Variants in PPARGC1A observed in about 807,000 individuals in gnomAD.
The protein encoded by PPARGC1A is peroxisome proliferator-activated receptor gamma coactivator 1-alpha.
A neutral mutation model predicts 88.7 loss-of-function variants in PPARGC1A; 25 were observed. The ratio of observed to expected loss-of-function variants is 0.28; its 90% CI spans 0.21 to 0.39. The LOEUF (loss-of-function observed/expected upper bound fraction) is 0.39. Ranked by LOEUF, PPARGC1A falls within the 10% of genes least tolerant of loss-of-function variation. The pLI, the probability that PPARGC1A is intolerant of heterozygous loss-of-function variation, is 1.00. For synonymous variants in PPARGC1A, 363 were observed against 355.6 expected (o/e 1.02, Z -0.24); for missense variants, 880 against 968.7 (o/e 0.91, Z 1.22).
the PPARGC1A span, among the ~76,000 whole-genome samples, chr4:24,341,874 G>C: frequency 6.6e-6 from 1 of 152,170 alleles, no homozygotes; most frequent in Non-Finnish European, 1.5e-5. Flanking sequence ...TTAAGTGGTT[G>C]TTGAGTACAT....
chr4:24,108,386 CA>C, the PPARGC1A span, among the ~76,000 whole-genome samples: 1 of 152,024 alleles, frequency 6.6e-6, no homozygotes, highest in Non-Finnish European at 1.5e-5. Flanking sequence ...ATTTTAAAAC[CA>C]TTAGGCCAAA....
At chr4:23,942,251 A>G in the PPARGC1A span, among the ~76,000 whole-genome samples, 1 of 152,210 alleles carries the variant, frequency 6.6e-6, no homozygotes. Context: ...AACCCATAAG[A>G]AATAAGGTGA....
At chr4:24,283,126 GA>G in the PPARGC1A span, among the ~76,000 whole-genome samples, 1 of 152,154 alleles carries the variant, frequency 6.6e-6, no homozygotes, top group Admixed American at 6.5e-5. Flanking sequence ...ACCCCCTTGT[GA>G]GGCTCATTAT....
At chr4:23,981,579 G>A in the PPARGC1A span, among the ~76,000 whole-genome samples, 5 of 152,106 alleles carry the variant, frequency 3.3e-5, no homozygotes, top group African/African-American at 1.2e-4. Context: ...GGGGCCAGGA[G>A]GAGGAAAGGA....
chr4:23,822,444 A>G (rs1723173198), intron 7 of PPARGC1A, among the ~76,000 whole-genome samples: 1 of 152,180 alleles, frequency 6.6e-6, no homozygotes, highest in Admixed American at 6.6e-5. Flanking sequence ...AGTATTGCCT[A>G]AATATTTCTG....
intron 10 of PPARGC1A, among the ~76,000 whole-genome samples, chr4:23,808,465 T>G: frequency 6.6e-6 from 1 of 152,082 alleles, no homozygotes; most frequent in East Asian, 1.9e-4. Flanking sequence ...CCCTTTAAAT[T>G]AACATCCCAT....
rs1397670007 is a variant in PPARGC1A, at chr4:23,813,905, A to T, written c.1578T>A (p.Asp526Glu). The change falls in exon 8 of 13, where the codon GAT (aspartate) becomes GAA (glutamate). Residue 526 changes from aspartate to glutamate, a missense_variant. By Grantham distance (45) the Asp-to-Glu change is conservative. Transcript: ENST00000264867. ...DESDKLSYPW[D>E]GTQSYSLFNV... ...TGAACAATGAATAGGATTGCGTGCC[A>T]TCCCAAGGGTAGCTCAGTTTATCAC... is the stretch of plus-strand genomic sequence containing the variant. The T allele has an allele frequency of 6.2e-7, 1 of 1,614,016 alleles. No individual in the cohort carries two copies. Among genetic ancestry groups the T allele is most frequent in the Non-Finnish European group, 8.5e-7 (1 of 1,179,892 alleles).
the PPARGC1A span, among the ~76,000 whole-genome samples, chr4:23,970,500 G>T: frequency 6.6e-6 from 1 of 152,176 alleles, no homozygotes; most frequent in Non-Finnish European, 1.5e-5. Context: ...ATGCTTGGCT[G>T]CTTACATATG....
the PPARGC1A span, among the ~76,000 whole-genome samples, chr4:24,157,986 A>G: frequency 6.6e-6 from 1 of 152,152 alleles, no homozygotes; most frequent in African/African-American, 2.4e-5. Context: ...TTTTACATGT[A>G]GAATAAACTC....
the PPARGC1A span, among the ~76,000 whole-genome samples, chr4:23,946,690 A>G: frequency 6.6e-6 from 1 of 152,002 alleles, no homozygotes; most frequent in African/African-American, 2.4e-5. Flanking sequence ...ATTGTTTGTT[A>G]TTTTTTATCT....
the PPARGC1A span, among the ~76,000 whole-genome samples, chr4:24,039,573 A>G: frequency 6.6e-6 from 1 of 152,146 alleles, no homozygotes; most frequent in Admixed American, 6.6e-5. Flanking sequence ...GGTCTCAAAA[A>G]GAGGCCTCTG....
the PPARGC1A span, among the ~76,000 whole-genome samples, chr4:24,125,858 A>G: frequency 5.3e-5 from 8 of 152,318 alleles, 1 homozygote; most frequent in East Asian, 1.9e-4. Context: ...CCACCTCCCA[A>G]GAGGAGTCTC....
At chr4:24,151,729 A>G in the PPARGC1A span, among the ~76,000 whole-genome samples, 1 of 152,204 alleles carries the variant, frequency 6.6e-6, no homozygotes, top group Non-Finnish European at 1.5e-5. Context: ...AGAGTTAGTA[A>G]CACAGCCCAT....
the PPARGC1A span, among the ~76,000 whole-genome samples, chr4:24,205,115 G>A: frequency 1.9e-4 from 29 of 152,206 alleles, no homozygotes; most frequent in Admixed American, 1.3e-3. Context: ...ATGAGCCTCC[G>A]CACCCAGCCT....
At chr4:24,399,505 A>G in the PPARGC1A span, among the ~76,000 whole-genome samples, 1 of 152,160 alleles carries the variant, frequency 6.6e-6, no homozygotes, top group Non-Finnish European at 1.5e-5. Flanking sequence ...TCCAGGAAAA[A>G]CCTTACACTT....
At chr4:24,432,589 G>A in the PPARGC1A span, among the ~76,000 whole-genome samples, 7 of 152,306 alleles carry the variant, frequency 4.6e-5, no homozygotes, top group South Asian at 2.1e-4. Flanking sequence ...CATCCAGAGC[G>A]TGGTCTAATG....
chr4:23,830,448 A>C (rs58910203), intron 3 of PPARGC1A, among the ~76,000 whole-genome samples: 7,299 of 152,300 alleles, frequency 0.048, 204 homozygotes, highest in South Asian at 0.1. Flanking sequence ...AAACAATCTG[A>C]TATCAATGGA....
the PPARGC1A span, among the ~76,000 whole-genome samples, chr4:24,119,538 C>T: frequency 4.0e-4 from 61 of 152,232 alleles, no homozygotes; most frequent in African/African-American, 1.3e-3. Context: ...TCATTTGCAC[C>T]TCATTATCTT....
intron 8 of PPARGC1A, 122 bp from the exon 9 acceptor site, chr4:23,813,247 C>A: frequency 1.2e-6 from 1 of 808,696 alleles, no homozygotes; most frequent in Non-Finnish European, 2.1e-6. Context: ...TTCCCAGCTA[C>A]TAGGGAGATT....
Sources: allele counts gnomAD v4.1 joint callset (sites outside exome capture counted in the v4.1 genomes callset), GRCh38; gene constraint gnomAD v4.1.1; transcripts MANE v1.5; gene names NCBI Gene and HGNC (gene_info 2026-07-23, HGNC 2026-07-21).